Variants in LARS2 observed in about 807,000 individuals in gnomAD.
LARS2 encodes leucyl-tRNA synthetase 2, mitochondrial.
LARS2 carries 81 observed loss-of-function variants against 116.6 expected under a neutral mutation model. The observed-to-expected ratio is 0.69, with a 90% CI of 0.58 to 0.84. The LOEUF (loss-of-function observed/expected upper bound fraction) is 0.84, where lower values mean the gene tolerates loss of function less well. LARS2 is among the 40% of genes least tolerant of loss of function. The pLI is 0.00. For missense variants in LARS2, 968 were observed against 1,114.5 expected (o/e 0.87, Z 1.87); for synonymous variants, 396 against 407.2 (o/e 0.97, Z 0.33).
In LARS2 at chr3:45,446,164, C is replaced by T. The variant is rs192374968; in HGVS notation, c.517-727C>T. Among the ~76,000 whole-genome samples the T allele has an allele frequency of 1.2e-3, 189 of 152,278 alleles. 2 individuals carry two copies. Among genetic ancestry groups the T allele is most frequent in the African/African-American group, 3.5e-3 (146 of 41,554 alleles). On this transcript the variant is annotated intron_variant, in intron 6 of 21. Coordinates refer to ENST00000645846, the MANE Select transcript of LARS2 (RefSeq NM_015340.4). Reference sequence around the variant, plus strand: ...TGCGTTAGTTTTTGAAGTTAAAGAGCACTAGAAAAGAAACGTGACAGTATA... The same window carrying T: ...TGCGTTAGTTTTTGAAGTTAAAGAGTACTAGAAAAGAAACGTGACAGTATA...
intron 10 of LARS2, 121 bp downstream of exon 10, chr3:45,476,748 C>G (rs1309993864): frequency 1.1e-6 from 1 of 947,886 alleles, no homozygotes; most frequent in African/African-American, 1.6e-5. Context: ...TTGCCTTAGC[C>G]TGATTTTTTA....
At chr3:45,514,454 T>A (rs1009535749) in intron 16 of LARS2, among the ~76,000 whole-genome samples, 7 of 152,200 alleles carry the variant, frequency 4.6e-5, no homozygotes, top group Admixed American at 4.6e-4. Flanking sequence ...TAACGGTCCG[T>A]GGGAGAAAAA....
intron 3 of LARS2, among the ~76,000 whole-genome samples, chr3:45,398,671 C>G (rs1039665120): frequency 6.6e-6 from 1 of 152,194 alleles, no homozygotes; most frequent in South Asian, 2.1e-4. Context: ...GTGGGGAACC[C>G]TCCTATTACT....
At chr3:45,507,239 TA>T (rs1363426125) in intron 15 of LARS2, among the ~76,000 whole-genome samples, 4 of 150,450 alleles carry the variant, frequency 2.7e-5, no homozygotes, top group African/African-American at 9.7e-5. Context: ...TCTATGATTT[TA>T]AAAAAAAAAA....
intron 4 of LARS2, among the ~76,000 whole-genome samples, chr3:45,407,072 G>A (rs1187769361): frequency 6.6e-6 from 1 of 152,146 alleles, no homozygotes; most frequent in African/African-American, 2.4e-5. Flanking sequence ...CAGGCAAAAA[G>A]CCACCAGGCA....
At position 45,392,738 on chromosome 3, in the gene LARS2, A is replaced by G. The variant is rs1318307423; in HGVS notation, c.-22+1090A>G. On this transcript the variant is annotated intron_variant, in intron 2 of 21. Transcript: ENST00000645846. ...CCACATTATGTTGCTGTCTTATGTG[A>G]GTTTGAAACTCACTGTTATAAGCCT... Among the ~76,000 whole-genome samples the G allele has an allele frequency of 3.9e-5, 6 of 152,156 alleles. 1 individual carries two copies. The highest frequency in any genetic ancestry group is 8.8e-5 in the Non-Finnish European group (6 of 68,036).
intron 20 of LARS2, among the ~76,000 whole-genome samples, chr3:45,538,842 T>G (rs1278854717): frequency 2.6e-5 from 4 of 152,204 alleles, no homozygotes; most frequent in African/African-American, 9.6e-5. Context: ...TCAGTTCCAG[T>G]CCACAACAAG....
At chr3:45,398,358 C>T (rs1424740104) in intron 3 of LARS2, among the ~76,000 whole-genome samples, 4 of 152,246 alleles carry the variant, frequency 2.6e-5, no homozygotes, top group South Asian at 4.2e-4. Flanking sequence ...ATCAGTCATG[C>T]GAACATTCAG....
chr3:45,525,022 T>C (rs1700513052), intron 20 of LARS2, among the ~76,000 whole-genome samples: 1 of 152,206 alleles, frequency 6.6e-6, no homozygotes, highest in South Asian at 2.1e-4. Flanking sequence ...CAAAGCCTTG[T>C]TTATTGCCTT....
At position 45,447,253 on chromosome 3, in the gene LARS2, G is replaced by C. The variant is rs566098677; in HGVS notation, c.606+273G>C. Among the ~76,000 whole-genome samples, 284 of 152,274 alleles carry C rather than the reference G, an allele frequency of 1.9e-3. 3 individuals are homozygous for C. Among genetic ancestry groups the C allele is most frequent in the Non-Finnish European group, 3.1e-3 (208 of 68,028 alleles). On this transcript the variant is annotated intron_variant, in intron 7 of 21. Coordinates refer to ENST00000645846, the MANE Select transcript of LARS2 (RefSeq NM_015340.4). ...AAGAACACAGGCTTCTCAAATCCTA[G>C]CTCAGCTCCCTCTCCCAGCTATGTG...
At chr3:45,513,361 G>A in intron 16 of LARS2, 126 bp downstream of exon 16, 2 of 689,808 alleles carry the variant, frequency 2.9e-6, no homozygotes, top group Admixed American at 2.3e-5. Context: ...CCCGCTGGCT[G>A]TGAGGTCTCT....
At chr3:45,443,265 C>A (rs1023221365) in intron 6 of LARS2, among the ~76,000 whole-genome samples, 4 of 152,208 alleles carry the variant, frequency 2.6e-5, no homozygotes, top group Admixed American at 1.3e-4. Context: ...CTCTTGATTT[C>A]TAGCCAGGTG....
At chr3:45,498,307 G>C (rs1182503363) in intron 14 of LARS2, among the ~76,000 whole-genome samples, 2 of 152,138 alleles carry the variant, frequency 1.3e-5, no homozygotes, top group African/African-American at 4.8e-5. Context: ...TTCTTCCTGG[G>C]GTGGTTTCCT....
At chr3:45,494,794 A>G (rs917965418) in intron 13 of LARS2, among the ~76,000 whole-genome samples, 2 of 152,234 alleles carry the variant, frequency 1.3e-5, no homozygotes, top group African/African-American at 2.4e-5. Context: ...GCAGCTGGGC[A>G]TGATGGCTCA....
At chr3:45,509,263 A>G (rs558277330) in intron 15 of LARS2, 116 of 152,252 alleles carry the variant, frequency 7.6e-4, no homozygotes, top group African/African-American at 2.5e-3. Context: ...CACAGTCACT[A>G]TGATGAATGA....
intron 6 of LARS2, among the ~76,000 whole-genome samples, chr3:45,437,119 C>CA (rs751773258): frequency 7.2e-4 from 109 of 152,322 alleles, no homozygotes; most frequent in Non-Finnish European, 1.1e-3. Flanking sequence ...CATCAATACT[C>CA]ACTCTCTAAG....
intron 20 of LARS2, among the ~76,000 whole-genome samples, chr3:45,526,654 A>G (rs549394973): frequency 1.3e-5 from 2 of 152,142 alleles, no homozygotes; most frequent in Non-Finnish European, 2.9e-5. Context: ...TGACTCGGGC[A>G]CAGCGTGTCT....
chr3:45,521,238 G>C lies in LARS2; in HGVS notation c.2292+942G>C, dbSNP rs1575311001. ...GAGAATGGTGTGAACCCAGGTGGCGGAGCATGCAGTGAGCCAAGATCACGC... is the reference window on the plus strand; with the variant it reads ...GAGAATGGTGTGAACCCAGGTGGCGCAGCATGCAGTGAGCCAAGATCACGC... On this transcript the variant is annotated intron_variant, in intron 19 of 21. Coordinates refer to ENST00000645846, the MANE Select transcript of LARS2 (RefSeq NM_015340.4). Among the ~76,000 whole-genome samples, 4 of 152,194 alleles carry C rather than the reference G, an allele frequency of 2.6e-5. No individual in the cohort carries two copies. The South Asian group carries it at 6.2e-4, about 24-fold the overall frequency.
At chr3:45,393,817 C>T (rs572301519) in intron 2 of LARS2, among the ~76,000 whole-genome samples, 1 of 152,148 alleles carries the variant, frequency 6.6e-6, no homozygotes, top group South Asian at 2.1e-4. Flanking sequence ...GAGCAGGACC[C>T]TGTCTCTAAA....
Sources: gnomAD v4.1 joint callset for allele counts (sites outside exome capture counted in the v4.1 genomes callset) on GRCh38, gnomAD v4.1.1 for gene constraint, MANE v1.5 for transcripts, NCBI Gene and HGNC (gene_info 2026-07-23, HGNC 2026-07-21) for gene names.